CFAP43: variants seen among roughly 807,000 people sequenced by gnomAD.
The protein encoded by CFAP43 is cilia and flagella associated protein 43, also known as cilia- and flagella-associated protein 43.
In CFAP43, 155 loss-of-function variants were observed where a neutral mutation model predicts 218.9. The observed-to-expected ratio is 0.71, with a 90% CI of 0.62 to 0.81. The LOEUF is 0.81. Among genes scored for constraint, CFAP43 ranks in the 30% least tolerant of loss-of-function variants. CFAP43 has a pLI of 0.00. For synonymous variants in CFAP43, 645 were observed against 681.3 expected (o/e 0.95, Z 0.83); for missense variants, 1,778 against 1,954.3 (o/e 0.91, Z 1.70).
At chr10:104,225,339 A>AT in intron 3 of CFAP43, 122 bp downstream of exon 3, 1 of 858,138 alleles carries the variant, frequency 1.2e-6, no homozygotes, top group Non-Finnish European at 1.7e-6. Context: ...TGTGATTGGC[A>AT]TTTTTTCCTT....
At chr10:104,190,135 CAAAAAAAAAA>C (rs59257656) in intron 12 of CFAP43, among the ~76,000 whole-genome samples, 2 of 50,786 alleles carry the variant, frequency 3.9e-5, no homozygotes, top group African/African-American at 1.5e-4. Context: ...GACTCCATCT[CAAAAAAAAAA>C]AAAAAAAAAA....
At chr10:104,146,413 G>C (rs2087975291) in intron 29 of CFAP43, 64 bp from the exon 30 acceptor site, 1 of 1,243,260 alleles carries the variant, frequency 8.0e-7, no homozygotes, top group South Asian at 1.2e-5. Context: ...AAAAATATTG[G>C]GGATACTAAA....
Position 104,133,793 on chromosome 10 carries a change from A to G in CFAP43, c.4432-9T>C, listed in dbSNP as rs779368962. On this transcript the variant is annotated splice_polypyrimidine_tract_variant and intron_variant, in intron 34 of 37. Coordinates refer to ENST00000357060, the MANE Select transcript of CFAP43 (RefSeq NM_025145.7). ...TTCTTTTGTCCTTGAGTCTTTAAAA[A>G]AGTACATTAGATATCCATATAATAT... The G allele has an allele frequency of 1.3e-6, 2 of 1,597,734 alleles. No individual in the cohort carries two copies. The highest frequency in any genetic ancestry group is 3.5e-5 in the Admixed American group (2 of 56,958).
intron 4 of CFAP43, 34 bp from the exon 5 acceptor site, chr10:104,212,191 G>T: frequency 1.3e-6 from 2 of 1,588,736 alleles, no homozygotes; most frequent in South Asian, 2.3e-5. Flanking sequence ...ACAATGAGAT[G>T]AACAGAAACT....
chr10:104,189,027 A>C (rs1005899741), intron 12 of CFAP43, among the ~76,000 whole-genome samples: 10 of 152,042 alleles, frequency 6.6e-5, no homozygotes, highest in Admixed American at 1.3e-4. Flanking sequence ...CTTCCTTAAC[A>C]AGGAAGACCA....
intron 15 of CFAP43, among the ~76,000 whole-genome samples, chr10:104,185,562 G>A (rs1007034580): frequency 3.3e-5 from 5 of 152,026 alleles, no homozygotes; most frequent in Non-Finnish European, 1.5e-5. Context: ...AGAGGGTGAC[G>A]GGCACTGTGA....
At chr10:104,160,274 C>G (rs2088803289) in intron 27 of CFAP43, among the ~76,000 whole-genome samples, 1 of 152,114 alleles carries the variant, frequency 6.6e-6, no homozygotes, top group Non-Finnish European at 1.5e-5. Flanking sequence ...CTGATTTTGG[C>G]TTTGAGTAAG....
rs34452460 is a variant in CFAP43 at position 104,180,445 on chromosome 10, CTT to C, written c.2290-515_2290-514del. ...TTCTTCTTCAGACACCACCCTATTT[CTT>C]TTTTTTTTTTTTTTTTGAGACGGAG... On this transcript the variant is annotated intron_variant, in intron 17 of 37. Coordinates refer to ENST00000357060, the MANE Select transcript of CFAP43 (RefSeq NM_025145.7). Among the ~76,000 whole-genome samples the C allele has an allele frequency of 2.4e-3, 295 of 124,622 alleles. 1 individual carries two copies. Among genetic ancestry groups the C allele is most frequent in the South Asian group, 4.8e-3 (18 of 3,784 alleles). The allele number at this position is 124,622 out of a possible 152,430, so 81.8% of individuals were successfully genotyped here. A position where few individuals can be genotyped will look rare whatever the true frequency, so the allele number is the denominator to read the frequency against.
chr10:104,158,863 G>A (rs185042923), intron 27 of CFAP43, among the ~76,000 whole-genome samples: 23 of 151,938 alleles, frequency 1.5e-4, no homozygotes, highest in Non-Finnish European at 3.1e-4. Context: ...GAACAAATGT[G>A]GCAATATAAA....
intron 16 of CFAP43, among the ~76,000 whole-genome samples, chr10:104,184,064 T>G (rs958651831): frequency 6.6e-6 from 1 of 152,164 alleles, no homozygotes; most frequent in Non-Finnish European, 1.5e-5. Context: ...GAAATATTAT[T>G]TTTTCTAAAA....
intron 17 of CFAP43, among the ~76,000 whole-genome samples, chr10:104,180,734 C>A (rs534152594): frequency 3.6e-4 from 55 of 152,208 alleles, no homozygotes; most frequent in African/African-American, 1.2e-3. Flanking sequence ...TGTGTGCCAA[C>A]CACCGTCCCC....
intron 6 of CFAP43, 118 bp from the exon 7 acceptor site, chr10:104,206,148 A>G: frequency 2.6e-6 from 2 of 756,780 alleles, no homozygotes; most frequent in South Asian, 1.9e-5. Context: ...TGAATTCTCT[A>G]TCATCAGATC....
intron 21 of CFAP43, among the ~76,000 whole-genome samples, chr10:104,168,436 T>A (rs2089273740): frequency 6.6e-6 from 1 of 152,130 alleles, no homozygotes; most frequent in South Asian, 2.1e-4. Flanking sequence ...TACCTTTCAA[T>A]CTGTGTGAAA....
intron 3 of CFAP43, among the ~76,000 whole-genome samples, chr10:104,222,530 A>G (rs1358709924): frequency 6.6e-6 from 1 of 152,158 alleles, no homozygotes; most frequent in Non-Finnish European, 1.5e-5. Context: ...GAATCTCCTC[A>G]TGAGAGAGCA....
intron 11 of CFAP43, 96 bp from the exon 12 acceptor site, chr10:104,192,398 C>A: frequency 1.1e-6 from 1 of 933,828 alleles, no homozygotes; most frequent in South Asian, 1.4e-5. Flanking sequence ...TGTTCAAAGC[C>A]AGTCATTTTT....
At chr10:104,227,990 T>C (rs2091349121) in intron 2 of CFAP43, among the ~76,000 whole-genome samples, 1 of 151,840 alleles carries the variant, frequency 6.6e-6, no homozygotes, top group African/African-American at 2.4e-5. Context: ...ATTACAGGCA[T>C]GCGCCACCAT....
chr10:104,214,012 T>C (rs2090942124), intron 4 of CFAP43, among the ~76,000 whole-genome samples: 1 of 152,234 alleles, frequency 6.6e-6, no homozygotes, highest in South Asian at 2.1e-4. Context: ...GAGAACTTAA[T>C]ATTTTAAATA....
At chr10:104,162,509 G>T in intron 24 of CFAP43, 106 bp from the exon 25 acceptor site, 3 of 916,076 alleles carry the variant, frequency 3.3e-6, no homozygotes, top group African/African-American at 1.7e-5. Context: ...GGATTAAAGG[G>T]ACTCTGCAGA....
At chr10:104,202,682 T>C (rs1034099859) in intron 8 of CFAP43, among the ~76,000 whole-genome samples, 1 of 152,204 alleles carries the variant, frequency 6.6e-6, no homozygotes, top group Admixed American at 6.5e-5. Flanking sequence ...AATTTTTACT[T>C]TGCTAGTGTA....
Sources: gnomAD v4.1 joint callset for allele counts (sites outside exome capture counted in the v4.1 genomes callset) on GRCh38, gnomAD v4.1.1 for gene constraint, MANE v1.5 for transcripts, NCBI Gene and HGNC (gene_info 2026-07-23, HGNC 2026-07-21) for gene names.